The following NSD1 variants were observed in gnomAD, a reference collection of about 807,000 sequenced individuals.
NSD1 encodes histone-lysine N-methyltransferase, H3 lysine-36 specific.
Under a neutral mutation model 242.7 loss-of-function variants are expected in NSD1, and 26 were observed. The observed-to-expected ratio is 0.11, with a 90% CI of 0.08 to 0.15. The LOEUF (loss-of-function observed/expected upper bound fraction) is 0.15. Among genes scored for constraint, NSD1 ranks in the 10% least tolerant of loss-of-function variants. The probability of loss-of-function intolerance (pLI) is 1.00; values close to 1 mark genes in which losing one functional copy is unlikely to be tolerated. For missense variants in NSD1, 2,495 were observed against 3,272.8 expected, an observed-to-expected ratio of 0.76 and a Z score of 5.80; for synonymous variants, 1,106 against 1,178.1, an observed-to-expected ratio of 0.94 and a Z score of 1.25.
At position 177,280,714 on chromosome 5, in the gene NSD1, G is replaced by T; in HGVS notation, c.5772G>T (p.Val1924=). Residue 1924 remains valine, a synonymous_variant, in exon 18 of 23, where the codon GTG becomes GTT. Transcript: ENST00000439151. ...TGCTCTATGAGTGCCACCCCACAGT[G>T]TGTCCTGCCGGAGGGCGCTGTCAAA... The part of the protein sequence containing the change: ...RMLLYECHPT[V]CPAGGRCQNQ... 6.2e-7 allele frequency: 1 copy of T among 1,614,238 alleles called. No homozygotes were observed.
chr5:177,193,422 G>T (rs1761857822), intron 3 of NSD1, among the ~76,000 whole-genome samples: 1 of 152,142 alleles, frequency 6.6e-6, no homozygotes, highest in Non-Finnish European at 1.5e-5. Flanking sequence ...GATTACAAGC[G>T]TGAGCCACCG....
intron 5 of NSD1, among the ~76,000 whole-genome samples, chr5:177,234,750 T>C (rs1765312836): frequency 6.6e-6 from 1 of 152,160 alleles, no homozygotes; most frequent in South Asian, 2.1e-4. Flanking sequence ...GAGATCCTTC[T>C]AGACAATACT....
At position 177,299,439 on chromosome 5, in the gene NSD1, G is replaced by A; in HGVS notation, c.*3980G>A. 1 of 233,206 alleles carries A rather than the reference G, an allele frequency of 4.3e-6. No individual in the cohort carries two copies. Among genetic ancestry groups the A allele is most frequent in the Non-Finnish European group, 8.5e-6 (1 of 118,050 alleles). 14.4% of individuals were successfully genotyped at this position (233,206 alleles called of 1,614,324 possible). On this transcript the variant is annotated 3_prime_UTR_variant, in exon 23 of 23. Coordinates refer to ENST00000439151, the MANE Select transcript of NSD1 (RefSeq NM_022455.5). ...TGGCCATTGAGTTTCTCAGGGCTGG[G>A]GCCACCTTGTCCATAGCCTCCGTCC... is the stretch of plus-strand genomic sequence containing the variant.
In NSD1 at chr5:177,239,169, C is replaced by T. The variant is rs149986778; in HGVS notation, c.4193-587C>T. Among the ~76,000 whole-genome samples, 1,348 of 152,220 alleles carry T rather than the reference C, an allele frequency of 8.9e-3. 21 individuals are homozygous for T. The highest frequency in any genetic ancestry group is 0.028 in the African/African-American group (1,150 of 41,526). On this transcript the variant is annotated intron_variant, in intron 7 of 22. Coordinates refer to ENST00000439151, the MANE Select transcript of NSD1 (RefSeq NM_022455.5). Reference sequence around the variant, plus strand: ...AACTTTTTTACATTATCAACAGTAGCTTTTGATGTTATTCCTTAAAGAAAC... The same window carrying T: ...AACTTTTTTACATTATCAACAGTAGTTTTTGATGTTATTCCTTAAAGAAAC...
chr5:177,243,697 T>A (rs1766064515), intron 8 of NSD1, among the ~76,000 whole-genome samples: 1 of 152,014 alleles, frequency 6.6e-6, no homozygotes, highest in African/African-American at 2.4e-5. Context: ...GAGCATTGTT[T>A]TTGTTTTGTT....
rs748956033 is a variant in NSD1 at position 177,211,553 on chromosome 5, C to T, written c.3154C>T (p.Arg1052Cys). ...GAACCGTAAAGCCTTAAAGACCGAG[C>T]GCAAAAGAAAACTGAATCAGCTTCC... ...TVNRKALKTERKRKLNQLPSV... is the reference protein window; with the variant it reads ...TVNRKALKTECKRKLNQLPSV... The change falls in exon 5 of 23, where the codon CGC becomes TGC. Residue 1052 changes from arginine to cysteine, a missense_variant. By Grantham distance (180) the Arg-to-Cys change is radical. Around this residue, in one of 19 missense-constraint regions of NSD1, gnomAD observed 426 missense variants for 411.4 expected, o/e 1.04. Coordinates refer to ENST00000439151, the MANE Select transcript of NSD1 (RefSeq NM_022455.5). The T allele has an allele frequency of 1.5e-5, 25 of 1,613,942 alleles. No homozygotes were observed. Among genetic ancestry groups the T allele is most frequent in the African/African-American group, 2.7e-5 (2 of 74,884 alleles).
intron 3 of NSD1, among the ~76,000 whole-genome samples, chr5:177,192,773 C>T (rs188451299): frequency 7.9e-4 from 120 of 152,238 alleles, no homozygotes; most frequent in African/African-American, 2.7e-3. Context: ...TGAGGTGATC[C>T]GCCCGCCTTA....
chr5:177,255,668 C>T (rs1273006079), intron 12 of NSD1, among the ~76,000 whole-genome samples: 1 of 152,002 alleles, frequency 6.6e-6, no homozygotes, highest in Admixed American at 6.6e-5. Flanking sequence ...CTGCAACCTC[C>T]ACCTCCCAGG....
At chr5:177,206,064 A>G (rs1342871346) in intron 4 of NSD1, among the ~76,000 whole-genome samples, 9 of 152,254 alleles carry the variant, frequency 5.9e-5, no homozygotes, top group African/African-American at 1.4e-4. Flanking sequence ...CAATGGTACA[A>G]TCTTGGCTCA....
chr5:177,177,554 C>T (rs187185258), intron 2 of NSD1, among the ~76,000 whole-genome samples: 45 of 151,990 alleles, frequency 3.0e-4, no homozygotes, highest in Admixed American at 2.4e-3. Flanking sequence ...ACAGCAACAA[C>T]AACAAGGATT....
intron 17 of NSD1, among the ~76,000 whole-genome samples, chr5:177,279,763 C>T (rs1443219492): frequency 6.6e-6 from 1 of 150,744 alleles, no homozygotes; most frequent in African/African-American, 2.4e-5. Flanking sequence ...ACTACAGGTG[C>T]CCGCCACCAC....
At chr5:177,215,172 G>A (rs541408767) in intron 5 of NSD1, among the ~76,000 whole-genome samples, 1 of 150,202 alleles carries the variant, frequency 6.7e-6, no homozygotes, top group South Asian at 2.1e-4. Context: ...TCTGAGATCT[G>A]GTTTTCAATT....
intron 3 of NSD1, among the ~76,000 whole-genome samples, chr5:177,198,994 A>G (rs771535440): frequency 1.3e-5 from 2 of 152,218 alleles, no homozygotes; most frequent in Non-Finnish European, 2.9e-5. Context: ...GACATTTCAT[A>G]TGTAGTAGGT....
chr5:177,165,143 TAA>T (rs1759084313), intron 2 of NSD1, among the ~76,000 whole-genome samples: 1 of 152,104 alleles, frequency 6.6e-6, no homozygotes, highest in African/African-American at 2.4e-5. Context: ...CAAAATTAAA[TAA>T]GTTACAGTTC....
chr5:177,154,842 C>T (rs972052917), intron 2 of NSD1, among the ~76,000 whole-genome samples: 7 of 148,358 alleles, frequency 4.7e-5, no homozygotes, highest in African/African-American at 1.7e-4. Flanking sequence ...ATTACAGTCG[C>T]CTGCCACCAT....
intron 11 of NSD1, among the ~76,000 whole-genome samples, chr5:177,250,479 G>C (rs1301041438): frequency 6.6e-6 from 1 of 151,776 alleles, no homozygotes; most frequent in Non-Finnish European, 1.5e-5. Context: ...TGAATAATTA[G>C]TCTATAACAT....
chr5:177,232,280 T>A (rs1765118778), intron 5 of NSD1, among the ~76,000 whole-genome samples: 1 of 152,236 alleles, frequency 6.6e-6, no homozygotes, highest in African/African-American at 2.4e-5. Flanking sequence ...GTTTTGAAAT[T>A]CATGTGGTAG....
intron 2 of NSD1, among the ~76,000 whole-genome samples, chr5:177,142,083 C>G (rs1756872801): frequency 6.6e-6 from 1 of 152,222 alleles, no homozygotes; most frequent in Non-Finnish European, 1.5e-5. Flanking sequence ...ATACGCCTGC[C>G]TCTGCTTCCC....
chr5:177,239,073 CTA>C (rs1291085055), intron 7 of NSD1, among the ~76,000 whole-genome samples: 1 of 152,180 alleles, frequency 6.6e-6, no homozygotes, highest in Non-Finnish European at 1.5e-5. Context: ...CACCTTGTAA[CTA>C]TTGAATATTA....
Sources: allele counts gnomAD v4.1 joint callset (sites outside exome capture counted in the v4.1 genomes callset), GRCh38; gene constraint gnomAD v4.1.1; regional missense constraint gnomAD v4.1.1; transcripts MANE v1.5; gene names NCBI Gene and HGNC (gene_info 2026-07-23, HGNC 2026-07-21).